CA6: variants seen among roughly 807,000 people sequenced by gnomAD.
The protein encoded by CA6 is carbonic anhydrase 6, also known as carbonate dehydratase VI.
CA6 carries 28 observed loss-of-function variants against 35.9 expected under a neutral mutation model. That is an observed-to-expected ratio of 0.78 (90% confidence interval 0.58 to 1.07). CA6 has a LOEUF of 1.07. Among genes scored for constraint, CA6 ranks in the 50% least tolerant of loss-of-function variants. The probability of loss-of-function intolerance (pLI) is 0.00; values close to 1 mark genes in which losing one functional copy is unlikely to be tolerated. For synonymous variants in CA6, 148 were observed against 152.6 expected, an observed-to-expected ratio of 0.97 and a Z score of 0.22; for missense variants, 377 against 382.0, an observed-to-expected ratio of 0.99 and a Z score of 0.11.
intron 4 of CA6, 48 bp from the exon 5 acceptor site, chr1:8,962,539 C>A: frequency 6.8e-7 from 1 of 1,464,940 alleles, no homozygotes; most frequent in Non-Finnish European, 9.6e-7. Flanking sequence ...AGCGATGGTG[C>A]TGGGGCCTCT....
At position 8,959,931 on chromosome 1, in the gene CA6, C is replaced by CAAAAAAAAAAAAAAAAAA. The variant is rs373250863; in HGVS notation, c.501+931_501+948dup. ...TGGGCAATAAAGCTAGATTCTATCT[C>CAAAAAAAAAAAAAAAAAA]AAAAAAAAAAAAAAAAAAAGCTGGG... On this transcript the variant is annotated intron_variant, in intron 4 of 7. Transcript: ENST00000377443. 2.4e-3 allele frequency among the ~76,000 whole-genome samples: 178 copies of CAAAAAAAAAAAAAAAAAA among 75,148 alleles called. 17 individuals carry two copies. The highest frequency in any genetic ancestry group is 0.012 in the African/African-American group (173 of 14,756). The allele number at this position is 75,148 out of a possible 152,430, so 49.3% of individuals were successfully genotyped here.
intron 1 of CA6, 77 bp downstream of exon 1, chr1:8,946,042 C>T (rs1569641669): frequency 4.4e-5 from 30 of 676,120 alleles, no homozygotes; most frequent in South Asian, 1.3e-4. Context: ...TCTTCTTCTT[C>T]TTTTTTTTTT....
At chr1:8,960,408 A>AAAC (rs1256073614) in intron 4 of CA6, among the ~76,000 whole-genome samples, 1 of 152,024 alleles carries the variant, frequency 6.6e-6, no homozygotes, top group Non-Finnish European at 1.5e-5. Context: ...TAAAAAAAAA[A>AAAC]AACAACTATC....
rs1051070152 is a variant in CA6 at position 8,963,491 on chromosome 1, C to G, written c.571+835C>G. On this transcript the variant is annotated intron_variant, in intron 5 of 7. Transcript: ENST00000377443. The surrounding 1 kb of genome is among the most constrained non-coding windows in gnomAD (Gnocchi z 4.1). ...ATTTTCTTAGTGGTTGGCTGGCAGC[C>G]AAACAGCTGAATGCAACTGGACAGA... is the stretch of plus-strand genomic sequence containing the variant. 6.6e-6 allele frequency among the ~76,000 whole-genome samples: 1 copy of G among 152,156 alleles called. No individual in the cohort carries two copies. Among genetic ancestry groups the G allele is most frequent in the African/African-American group, 2.4e-5 (1 of 41,424 alleles).
At chr1:8,970,561 T>C (rs1403272756) in intron 6 of CA6, among the ~76,000 whole-genome samples, 1 of 151,980 alleles carries the variant, frequency 6.6e-6, no homozygotes, top group Non-Finnish European at 1.5e-5. Flanking sequence ...CAGGCTGGAG[T>C]GCGGTTGCGT....
At chr1:8,956,701 G>T (rs976824272) in intron 2 of CA6, among the ~76,000 whole-genome samples, 1 of 152,148 alleles carries the variant, frequency 6.6e-6, no homozygotes, top group African/African-American at 2.4e-5. Flanking sequence ...GTTCTAAGAG[G>T]CCCCACTTCC....
chr1:8,955,671 T>C (rs1362790481), intron 2 of CA6, among the ~76,000 whole-genome samples: 1 of 104,492 alleles, frequency 9.6e-6, no homozygotes, highest in Non-Finnish European at 2.0e-5. Context: ...TCCGTCCTTT[T>C]CTTGCAAGCA....
intron 2 of CA6, among the ~76,000 whole-genome samples, chr1:8,954,798 C>T (rs919441201): frequency 6.6e-6 from 1 of 152,160 alleles, no homozygotes; most frequent in South Asian, 2.1e-4. Flanking sequence ...TGGTCTTGAA[C>T]CCCTGACCTC....
At chr1:8,946,323 C>A (rs1354837372) in intron 1 of CA6, among the ~76,000 whole-genome samples, 2 of 151,456 alleles carry the variant, frequency 1.3e-5, no homozygotes, top group Admixed American at 6.6e-5. Context: ...TGAGCCATTG[C>A]GCCCGGCCAA....
intron 2 of CA6, among the ~76,000 whole-genome samples, chr1:8,954,031 C>T (rs1470826756): frequency 6.6e-6 from 1 of 152,162 alleles, no homozygotes; most frequent in African/African-American, 2.4e-5. Flanking sequence ...AGGAAGTTAC[C>T]CTATGTGGTC....
chr1:8,972,133 A>T (rs1335209916), intron 7 of CA6, among the ~76,000 whole-genome samples: 2 of 151,884 alleles, frequency 1.3e-5, no homozygotes, highest in East Asian at 1.9e-4. Context: ...CTGCAGCCTC[A>T]AACATCCAGG....
intron 5 of CA6, among the ~76,000 whole-genome samples, chr1:8,965,295 G>C (rs1163885402): frequency 6.6e-6 from 1 of 152,082 alleles, no homozygotes; most frequent in East Asian, 1.9e-4. Flanking sequence ...TAAATGTACA[G>C]TTCAGTAGCA....
At chr1:8,948,711 T>G (rs764369861) in intron 1 of CA6, among the ~76,000 whole-genome samples, 15 of 152,240 alleles carry the variant, frequency 9.9e-5, no homozygotes, top group Admixed American at 2.0e-4. Context: ...GGCTCACGCC[T>G]GTAATCCCAG....
intron 2 of CA6, among the ~76,000 whole-genome samples, chr1:8,953,697 G>T (rs940704068): frequency 3.3e-5 from 5 of 152,118 alleles, no homozygotes; most frequent in African/African-American, 1.2e-4. Flanking sequence ...GTCCATGTGG[G>T]TAATTACCAA....
intron 4 of CA6, 86 bp from the exon 5 acceptor site, chr1:8,962,501 C>A: frequency 8.9e-7 from 1 of 1,129,136 alleles, no homozygotes; most frequent in Non-Finnish European, 1.4e-6. Context: ...CGGCCCAATC[C>A]GCTAGAAAGC....
chr1:8,959,036 G>C (rs989543473), intron 4 of CA6, 34 bp downstream of exon 4: 2 of 1,275,860 alleles, frequency 1.6e-6, no homozygotes, highest in African/African-American at 2.9e-5. Context: ...GTCTGTATTT[G>C]AAGTTATAGG....
At chr1:8,955,209 T>C (rs1639642355) in intron 2 of CA6, among the ~76,000 whole-genome samples, 1 of 152,130 alleles carries the variant, frequency 6.6e-6, no homozygotes, top group Non-Finnish European at 1.5e-5. Flanking sequence ...ATTCTGTCTC[T>C]ACAAATAAAC....
chr1:8,947,332 G>A (rs529271661), intron 1 of CA6, among the ~76,000 whole-genome samples: 1 of 152,228 alleles, frequency 6.6e-6, no homozygotes, highest in East Asian at 1.9e-4. Flanking sequence ...TGCAGGAAGT[G>A]AGACAAACAT....
intron 5 of CA6, among the ~76,000 whole-genome samples, chr1:8,966,220 C>T (rs1401743598): frequency 6.6e-6 from 1 of 152,140 alleles, no homozygotes. Context: ...AGCGCTTCTC[C>T]TGCCTCAGCC....
Sources: allele counts gnomAD v4.1 joint callset (sites outside exome capture counted in the v4.1 genomes callset), GRCh38; gene constraint gnomAD v4.1.1; non-coding constraint Gnocchi (gnomAD v3.1); transcripts MANE v1.5; gene names NCBI Gene and HGNC (gene_info 2026-07-23, HGNC 2026-07-21).